CHL1: variants seen among roughly 807,000 people sequenced by gnomAD.
The protein encoded by CHL1 is neural cell adhesion molecule L1-like protein.
In CHL1, 96 loss-of-function variants were observed where a neutral mutation model predicts 141.9. The ratio of observed to expected loss-of-function variants is 0.68; its 90% CI spans 0.57 to 0.80. The LOEUF is 0.80. Among genes scored for constraint, CHL1 ranks in the 30% least tolerant of loss-of-function variants. CHL1 has a pLI of 0.00. For synonymous variants in CHL1, 613 were observed against 502.2 expected (o/e 1.22, Z -2.95); for missense variants, 1,820 against 1,457.2 (o/e 1.25, Z -4.05).
At chr3:225,676 G>C (rs1701255395) in intron 1 of CHL1, among the ~76,000 whole-genome samples, 1 of 151,992 alleles carries the variant, frequency 6.6e-6, no homozygotes, top group Admixed American at 6.6e-5. Flanking sequence ...AACAATAATT[G>C]TACTCTTCTA....
At chr3:289,589 G>T (rs187878211) in intron 2 of CHL1, among the ~76,000 whole-genome samples, 17 of 152,152 alleles carry the variant, frequency 1.1e-4, no homozygotes, top group African/African-American at 3.9e-4. Flanking sequence ...CTTGGTTCCT[G>T]CACGACTCTG....
intron 1 of CHL1, among the ~76,000 whole-genome samples, chr3:233,426 C>T (rs1179034591): frequency 6.6e-6 from 1 of 152,114 alleles, no homozygotes; most frequent in Non-Finnish European, 1.5e-5. Flanking sequence ...GGTCACTTAC[C>T]TAACCAAATA....
In CHL1 at chr3:308,285, C is replaced by T. The variant is rs191207156; in HGVS notation, c.-94-11398C>T. Among the ~76,000 whole-genome samples, 69 of 152,190 alleles carry T rather than the reference C, an allele frequency of 4.5e-4. 1 individual carries two copies. Among genetic ancestry groups the T allele is most frequent in the African/African-American group, 1.6e-3 (66 of 41,518 alleles). On this transcript the variant is annotated intron_variant, in intron 2 of 27. Coordinates refer to ENST00000256509, the MANE Select transcript of CHL1 (RefSeq NM_006614.4). ...CAGAAGGATTTATTATGTGTATTTCCTATATTCTAGGCAAGCGCAAAAATA... is the reference window on the plus strand; with the variant it reads ...CAGAAGGATTTATTATGTGTATTTCTTATATTCTAGGCAAGCGCAAAAATA...
At chr3:286,495 C>G (rs534051586) in intron 2 of CHL1, among the ~76,000 whole-genome samples, 1 of 151,762 alleles carries the variant, frequency 6.6e-6, no homozygotes, top group Non-Finnish European at 1.5e-5. Flanking sequence ...CCTGTAATCC[C>G]AGCTACTTGG....
chr3:361,935 C>T (rs1704295401), intron 13 of CHL1, 125 bp downstream of exon 13: 4 of 647,970 alleles, frequency 6.2e-6, no homozygotes, highest in Middle Eastern at 2.6e-4. Flanking sequence ...ACCTCTGAGA[C>T]ATAAGGTAAC....
intron 17 of CHL1, 68 bp from the exon 18 acceptor site, chr3:382,406 T>G (rs1707159072): frequency 6.7e-7 from 1 of 1,488,072 alleles, no homozygotes; most frequent in African/African-American, 1.4e-5. Flanking sequence ...TAATATTGAG[T>G]ATAAATTTTG....
rs139663489 is a variant in CHL1, at chr3:369,423, T to C, written c.1751+3308T>C. 2.6e-3 allele frequency among the ~76,000 whole-genome samples: 403 copies of C among 152,338 alleles called. 2 individuals carry two copies. Among genetic ancestry groups the C allele is most frequent in the African/African-American group, 9.2e-3 (381 of 41,576 alleles). ...CTGGTCTATTGCTGGTGTAAAGGAA[T>C]GCTTGTGATTTTTGCACATTGATTT... On this transcript the variant is annotated intron_variant, in intron 15 of 27. Coordinates refer to ENST00000256509, the MANE Select transcript of CHL1 (RefSeq NM_006614.4).
chr3:360,183 T>C lies in CHL1; in HGVS notation c.1166-101T>C, dbSNP rs995463591. 6.3e-5 allele frequency: 85 copies of C among 1,355,700 alleles called. No homozygotes were observed. In the East Asian group the frequency reaches 1.7e-3, roughly 27 times the overall value. 84.0% of individuals were successfully genotyped at this position (1,355,700 alleles called of 1,614,324 possible). A position where few individuals can be genotyped will look rare whatever the true frequency, so the allele number is the denominator to read the frequency against. The stretch of plus-strand genomic sequence containing the variant: ...CAATGAACTATTAGTCACCCTAAAC[T>C]GGTTTGAAAATATAAATACTGTGTG... On this transcript the variant is annotated intron_variant, in intron 11 of 27. Coordinates refer to ENST00000256509, the MANE Select transcript of CHL1 (RefSeq NM_006614.4).
At chr3:230,737 A>G (rs1293730666) in intron 1 of CHL1, among the ~76,000 whole-genome samples, 4 of 152,168 alleles carry the variant, frequency 2.6e-5, no homozygotes, top group Non-Finnish European at 5.9e-5. Flanking sequence ...GTATTGTGGT[A>G]AAATGTAGAC....
At position 320,127 on chromosome 3, in the gene CHL1, C is replaced by T. The variant is rs371883838; in HGVS notation, c.91+260C>T. Among the ~76,000 whole-genome samples the T allele has an allele frequency of 5.3e-5, 8 of 151,976 alleles. No homozygotes were observed. The East Asian group carries it at 1.4e-3, about 26-fold the overall frequency. ...ACAAGAATAGTAACCTATAGATAAGCTAGTATTTTTCCATATGTCTTGGAT... is the reference window on the plus strand; with the variant it reads ...ACAAGAATAGTAACCTATAGATAAGTTAGTATTTTTCCATATGTCTTGGAT... On this transcript the variant is annotated intron_variant, in intron 3 of 27. Transcript: ENST00000256509.
intron 6 of CHL1, among the ~76,000 whole-genome samples, 186 bp downstream of exon 6, chr3:341,102 G>A (rs1702312846): frequency 6.6e-6 from 1 of 152,206 alleles, no homozygotes; most frequent in East Asian, 1.9e-4. Flanking sequence ...ATTTCAAACA[G>A]TGCACTTACC....
chr3:276,700 T>A (rs75416432), intron 2 of CHL1, among the ~76,000 whole-genome samples: 1 of 151,692 alleles, frequency 6.6e-6, no homozygotes, highest in Non-Finnish European at 1.5e-5. Context: ...CCGTCCTGGC[T>A]AACAGGGTGA....
intron 15 of CHL1, among the ~76,000 whole-genome samples, chr3:373,311 G>A (rs1051192137): frequency 1.3e-5 from 2 of 152,222 alleles, no homozygotes; most frequent in Admixed American, 1.3e-4. Context: ...GGAGTTATTG[G>A]AGTTCCTGCA....
chr3:223,119 G>A (rs1025166639), intron 1 of CHL1, among the ~76,000 whole-genome samples: 3 of 152,004 alleles, frequency 2.0e-5, no homozygotes, highest in Non-Finnish European at 4.4e-5. Flanking sequence ...ATATTCTCAG[G>A]TCCTAGCAAC....
chr3:276,890 T>TAAAAA (rs11292528), intron 2 of CHL1, among the ~76,000 whole-genome samples: 45 of 64,426 alleles, frequency 7.0e-4, no homozygotes, highest in Non-Finnish European at 1.1e-3. Context: ...CTCCGTCTCC[T>TAAAAA]AAAAAAAAAA....
intron 2 of CHL1, among the ~76,000 whole-genome samples, chr3:263,743 A>G (rs1322180905): frequency 6.6e-6 from 1 of 152,214 alleles, no homozygotes; most frequent in African/African-American, 2.4e-5. Context: ...AGATTTTTAT[A>G]GCTCTTCGAA....
At chr3:296,139 G>C (rs2124854417) in intron 2 of CHL1, among the ~76,000 whole-genome samples, 1 of 152,222 alleles carries the variant, frequency 6.6e-6, no homozygotes, top group East Asian at 1.9e-4. Context: ...GTCTCTTGGT[G>C]CATCAGCTGA....
chr3:344,582 T>A lies in CHL1; in HGVS notation c.728-7T>A. The A allele has an allele frequency of 6.2e-7, 1 of 1,604,600 alleles. No homozygotes were observed. Among genetic ancestry groups the A allele is most frequent in the Non-Finnish European group, 8.5e-7 (1 of 1,176,292 alleles). On this transcript the variant is annotated splice_polypyrimidine_tract_variant and splice_region_variant and intron_variant, in intron 8 of 27. Transcript: ENST00000256509. ...AAAAATTCTGACTTTTCTTTTCTATTTTGTAGCAAATTCCATCAAGCAAAG... is the reference window on the plus strand; with the variant it reads ...AAAAATTCTGACTTTTCTTTTCTATATTGTAGCAAATTCCATCAAGCAAAG...
chr3:371,118 T>G (rs1441491825), intron 15 of CHL1, among the ~76,000 whole-genome samples: 3 of 152,170 alleles, frequency 2.0e-5, no homozygotes, highest in Non-Finnish European at 4.4e-5. Flanking sequence ...GTCTATTAGG[T>G]CTGCTTGGTC....
Sources: gnomAD v4.1 joint callset for allele counts (sites outside exome capture counted in the v4.1 genomes callset) on GRCh38, gnomAD v4.1.1 for gene constraint, MANE v1.5 for transcripts, NCBI Gene and HGNC (gene_info 2026-07-23, HGNC 2026-07-21) for gene names.